The following BTBD8 variants were observed in gnomAD, a reference collection of about 807,000 sequenced individuals.
The protein encoded by BTBD8 is BTB domain containing 8.
Under a neutral mutation model 162.9 loss-of-function variants are expected in BTBD8, and 110 were observed. That is an observed-to-expected ratio of 0.68 (90% CI 0.58 to 0.79). The LOEUF (loss-of-function observed/expected upper bound fraction) is 0.79. Ranked by LOEUF, BTBD8 falls within the 30% of genes least tolerant of loss-of-function variation. BTBD8 has a pLI of 0.00. For missense variants in BTBD8, 1,905 were observed against 2,085.4 expected, an observed-to-expected ratio of 0.91 and a Z score of 1.68; for synonymous variants, 667 against 716.1, an observed-to-expected ratio of 0.93 and a Z score of 1.10.
intron 9 of BTBD8, among the ~76,000 whole-genome samples, chr1:92,162,859 A>G (rs1337945711): frequency 1.3e-5 from 2 of 152,214 alleles, no homozygotes; most frequent in Admixed American, 6.5e-5. Context: ...ATATTTTCAC[A>G]TATTTGTGAA....
At chr1:92,108,298 A>C (rs2101908088) in intron 4 of BTBD8, among the ~76,000 whole-genome samples, 1 of 152,380 alleles carries the variant, frequency 6.6e-6, no homozygotes, top group East Asian at 1.9e-4. Flanking sequence ...ATTGGGCATG[A>C]ACCTAAGATT....
intron 2 of BTBD8, among the ~76,000 whole-genome samples, chr1:92,093,910 C>T (rs557592759): frequency 6.6e-6 from 1 of 152,248 alleles, no homozygotes; most frequent in South Asian, 2.1e-4. Context: ...TGGCATAGAT[C>T]AAATTTTTAT....
intron 9 of BTBD8, among the ~76,000 whole-genome samples, chr1:92,153,274 C>T (rs1570747622): frequency 1.3e-5 from 2 of 152,122 alleles, no homozygotes; most frequent in South Asian, 2.1e-4. Flanking sequence ...GTGACTTTTA[C>T]CTGTGGGAAG....
intron 4 of BTBD8, among the ~76,000 whole-genome samples, chr1:92,129,403 G>T (rs528204318): frequency 6.6e-6 from 1 of 151,918 alleles, no homozygotes; most frequent in Admixed American, 6.5e-5. Flanking sequence ...AGGATCATAC[G>T]TGAGTCTAGG....
At position 92,181,079 on chromosome 1, in the gene BTBD8, T is replaced by A; in HGVS notation, c.3396T>A (p.Asp1132Glu). ...GGGAGAACCAAGTAGGGAGAAAAGATACAAACAAACAATCAAGTATTAAAT... is the reference window on the plus strand; with the variant it reads ...GGGAGAACCAAGTAGGGAGAAAAGAAACAAACAAACAATCAAGTATTAAAT... The part of the protein sequence containing the change: ...SDRENQVGRK[D>E]TNKQSSIKCV... The change falls in exon 17 of 18, where the codon GAT becomes GAA. Residue 1132 changes from aspartate to glutamate, a missense_variant. Asp to Glu is a conservative substitution (Grantham distance 45). Around this residue, in one of 3 missense-constraint regions of BTBD8, gnomAD observed 1,374 missense variants for 1,442.7 expected, o/e 0.95. Coordinates refer to ENST00000636805, the MANE Select transcript of BTBD8 (RefSeq NM_001376131.1). The A allele has an allele frequency of 2.6e-6, 4 of 1,551,676 alleles. No individual in the cohort carries two copies. The South Asian group carries it at 4.8e-5, about 18-fold the overall frequency.
chr1:92,116,423 G>T (rs1649044126), intron 4 of BTBD8, among the ~76,000 whole-genome samples: 1 of 151,946 alleles, frequency 6.6e-6, no homozygotes, highest in Admixed American at 6.6e-5. Flanking sequence ...ATTACTGATG[G>T]AGTATTGAAG....
intron 3 of BTBD8, among the ~76,000 whole-genome samples, chr1:92,106,353 A>T (rs1553121975): frequency 2.6e-5 from 4 of 152,124 alleles, no homozygotes; most frequent in South Asian, 2.1e-4. Context: ...TCAGGAGGCT[A>T]ATACCAAAAG....
chr1:92,088,771 G>C lies in BTBD8; in HGVS notation c.223G>C (p.Val75Leu), dbSNP rs1490086498. 6.2e-7 allele frequency: 1 copy of C among 1,613,034 alleles called. No individual in the cohort carries two copies. The highest frequency in any genetic ancestry group is 1.7e-5 in the Admixed American group (1 of 59,982). The change falls in exon 2 of 18, where the codon GTC (valine) becomes CTC (leucine). Residue 75 changes from valine to leucine, a missense_variant. By Grantham distance (32) the Val-to-Leu change is conservative (BLOSUM62 1). Around this residue, in one of 3 missense-constraint regions of BTBD8, gnomAD observed 1,374 missense variants for 1,442.7 expected, o/e 0.95. Transcript: ENST00000636805. ...TACTTTGTTCAAAGCACACAAAGCA[G>C]TCCTTTTAGCAAGAGTTCCTGACTT... ...GCTLFKAHKA[V>L]LLARVPDFYF... is the part of the protein sequence containing the mutation.
chr1:92,156,486 A>C (rs1650160393), intron 9 of BTBD8, among the ~76,000 whole-genome samples: 1 of 152,154 alleles, frequency 6.6e-6, no homozygotes, highest in South Asian at 2.1e-4. Context: ...GGGTGTGAGA[A>C]GGATTGGTAT....
At chr1:92,100,632 T>A (rs1648565751) in intron 2 of BTBD8, among the ~76,000 whole-genome samples, 1 of 151,994 alleles carries the variant, frequency 6.6e-6, no homozygotes, top group African/African-American at 2.4e-5. Flanking sequence ...ATTTTTGAGA[T>A]GGAGTCTCAC....
chr1:92,108,862 T>G (rs911773131), intron 4 of BTBD8, among the ~76,000 whole-genome samples: 3 of 152,198 alleles, frequency 2.0e-5, no homozygotes, highest in African/African-American at 7.2e-5. Context: ...AGCCAGAGTA[T>G]TTGCAGTGGC....
intron 4 of BTBD8, among the ~76,000 whole-genome samples, chr1:92,108,493 A>G (rs1190156968): frequency 1.3e-5 from 2 of 152,204 alleles, no homozygotes; most frequent in African/African-American, 4.8e-5. Context: ...AATAGTTGAT[A>G]CTCATGAATA....
intron 9 of BTBD8, among the ~76,000 whole-genome samples, chr1:92,149,182 T>C (rs920590632): frequency 6.6e-6 from 1 of 152,230 alleles, no homozygotes; most frequent in African/African-American, 2.4e-5. Context: ...CTTCTTAATA[T>C]GTTTGTCTAT....
Position 92,177,820 on chromosome 1 carries a change from C to A in BTBD8, c.2363C>A (p.Ser788Tyr). ...TTTTCTTAATTTATAGCCATAAAAT[C>A]TCGACCTGTTTCAAGAGTTACCAAT... ...SVKNSTVAIKSRPVSRVTNGT... is the reference protein window; with the variant it reads ...SVKNSTVAIKYRPVSRVTNGT... Residue 788 changes from serine to tyrosine, a missense_variant, in exon 15 of 18, where the codon TCT becomes TAT. By Grantham distance (144) the Ser-to-Tyr change is moderately radical (BLOSUM62 -2). Around this residue, in one of 3 missense-constraint regions of BTBD8, gnomAD observed 1,374 missense variants for 1,442.7 expected, o/e 0.95. Coordinates refer to ENST00000636805, the MANE Select transcript of BTBD8 (RefSeq NM_001376131.1). 1 of 1,530,148 alleles carries A rather than the reference C, an allele frequency of 6.5e-7. No homozygotes were observed. The highest frequency in any genetic ancestry group is 1.2e-5 in the South Asian group (1 of 83,352). 94.8% of individuals were successfully genotyped at this position (1,530,148 alleles called of 1,614,324 possible).
Position 92,093,961 on chromosome 1 carries a change from A to G in BTBD8, c.347+5066A>G, listed in dbSNP as rs557918345. Among the ~76,000 whole-genome samples, 3 of 152,354 alleles carry G rather than the reference A, an allele frequency of 2.0e-5. No individual in the cohort carries two copies. In the East Asian group the frequency reaches 5.8e-4, roughly 29 times the overall value. The stretch of plus-strand genomic sequence containing the variant: ...AGACATTACATCAATGATACCCTTT[A>G]TTTGTTATCATTAAAAGTGATTGGA... On this transcript the variant is annotated intron_variant, in intron 2 of 17. Coordinates refer to ENST00000636805, the MANE Select transcript of BTBD8 (RefSeq NM_001376131.1).
At position 92,180,641 on chromosome 1, in the gene BTBD8, G is replaced by A; in HGVS notation, c.2958G>A (p.Lys986=). ...NNNKDSVSEQ[K]PHKPLINLAS... is the part of the protein sequence containing the mutation. ...ACAAGGACAGTGTTTCTGAACAGAA[G>A]CCTCACAAACCTCTCATTAATCTTG... The change falls in exon 17 of 18, where the codon AAG becomes AAA. Residue 986 remains lysine, a synonymous_variant. Coordinates refer to ENST00000636805, the MANE Select transcript of BTBD8 (RefSeq NM_001376131.1). 1.3e-6 allele frequency: 2 copies of A among 1,551,234 alleles called. No individual in the cohort carries two copies. Among genetic ancestry groups the A allele is most frequent in the Non-Finnish European group, 1.7e-6 (2 of 1,146,850 alleles).
intron 7 of BTBD8, among the ~76,000 whole-genome samples, chr1:92,143,701 G>T (rs998588397): frequency 1.3e-5 from 2 of 151,422 alleles, no homozygotes; most frequent in South Asian, 4.2e-4. Context: ...TAGTAGAGAC[G>T]GGGTTTCACC....
chr1:92,091,088 T>C (rs1266936414), intron 2 of BTBD8, among the ~76,000 whole-genome samples: 4 of 152,194 alleles, frequency 2.6e-5, no homozygotes, highest in Non-Finnish European at 5.9e-5. Flanking sequence ...CCAAATCTCT[T>C]GTCAAATTGT....
intron 2 of BTBD8, among the ~76,000 whole-genome samples, chr1:92,090,851 G>A (rs1000810612): frequency 3.0e-4 from 45 of 152,288 alleles, no homozygotes; most frequent in Admixed American, 1.8e-3. Context: ...AGAATCACCC[G>A]AACCCAGAAG....
Sources: allele counts gnomAD v4.1 joint callset (sites outside exome capture counted in the v4.1 genomes callset), GRCh38; gene constraint gnomAD v4.1.1; regional missense constraint gnomAD v4.1.1; transcripts MANE v1.5; gene names NCBI Gene and HGNC (gene_info 2026-07-23, HGNC 2026-07-21).